Variants in ODF2 observed in about 807,000 individuals in gnomAD.
ODF2 encodes outer dense fiber of sperm tails 2.
Under a neutral mutation model 110.2 loss-of-function variants are expected in ODF2, and 47 were observed. The ratio of observed to expected loss-of-function variants is 0.43; its 90% CI spans 0.34 to 0.54. ODF2 has a LOEUF of 0.54. ODF2 is among the 20% of genes least tolerant of loss of function. ODF2 has a pLI of 0.03. For synonymous variants in ODF2, 352 were observed against 397.7 expected (o/e 0.89, Z 1.37); for missense variants, 812 against 1,054.5 (o/e 0.77, Z 3.19).
chr9:128,490,148 A>G (rs1844243664), intron 14 of ODF2, among the ~76,000 whole-genome samples: 1 of 152,216 alleles, frequency 6.6e-6, no homozygotes, highest in African/African-American at 2.4e-5. Flanking sequence ...GGGCAACCCC[A>G]GCAAGACCCC....
chr9:128,478,589 C>T (rs1372280311), intron 8 of ODF2, among the ~76,000 whole-genome samples: 1 of 151,256 alleles, frequency 6.6e-6, no homozygotes, highest in Non-Finnish European at 1.5e-5. Context: ...CAGAGTGAGA[C>T]TCCATCTCAA....
chr9:128,471,505 C>T (rs1394478169), intron 6 of ODF2, 37 bp downstream of exon 6: 4 of 1,599,270 alleles, frequency 2.5e-6, no homozygotes, highest in Admixed American at 1.8e-5. Flanking sequence ...CTGATCTATT[C>T]CTCCCTACCA....
chr9:128,460,187 G>A, intron 3 of ODF2: 1 of 1,303,062 alleles, frequency 7.7e-7, no homozygotes, highest in South Asian at 1.2e-5. Flanking sequence ...GGATCCGCCT[G>A]CTTTCCGCTG....
chr9:128,472,797 C>G, intron 6 of ODF2, 116 bp from the exon 7 acceptor site: 3 of 1,502,738 alleles, frequency 2.0e-6, no homozygotes, highest in Non-Finnish European at 2.7e-6. Context: ...TCCCTGCCCC[C>G]TCCCCTACTT....
At chr9:128,482,164 T>G (rs373760887) in intron 9 of ODF2, among the ~76,000 whole-genome samples, 18 of 152,222 alleles carry the variant, frequency 1.2e-4, no homozygotes, top group African/African-American at 3.9e-4. Flanking sequence ...AACAGCTTCT[T>G]TCAAGACTTT....
intron 13 of ODF2, 67 bp from the exon 14 acceptor site, chr9:128,487,823 A>G: frequency 1.3e-6 from 2 of 1,568,170 alleles, no homozygotes; most frequent in Non-Finnish European, 8.7e-7. Context: ...ACACACACAC[A>G]CACACACACA....
In ODF2 at chr9:128,494,716, C is replaced by T. The variant is rs750194229; in HGVS notation, c.1911+48C>T. On this transcript the variant is annotated intron_variant, in intron 17 of 20. Transcript: ENST00000604420. The surrounding 1 kb of genome is among the most constrained non-coding windows in gnomAD (Gnocchi z 4.6). ...CCCACGAACTGACCCGAGCAGGGGC[C>T]CGCATACCAAGATGAGCTGCACGCC... 7.4e-6 allele frequency: 12 copies of T among 1,614,086 alleles called. No homozygotes were observed. Among genetic ancestry groups the T allele is most frequent in the Non-Finnish European group, 8.5e-6 (10 of 1,180,036 alleles).
At position 128,498,526 on chromosome 9, in the gene ODF2, G is replaced by C. The variant is rs558966975; in HGVS notation, c.2126G>C (p.Gly709Ala). The change falls in exon 19 of 21, where the codon GGG becomes GCG. Residue 709 changes from glycine to alanine, a missense_variant. Gly to Ala is a moderately conservative substitution (Grantham distance 60). Transcript: ENST00000604420. ...CTGGAGGAGAAAACACGGGAATGTG[G>C]GACCCTGGCAAGGCAGTTGGAGAGT... is the stretch of plus-strand genomic sequence containing the variant. 8 of 1,611,454 alleles carry C rather than the reference G, an allele frequency of 5.0e-6. No individual in the cohort carries two copies. In the East Asian group the frequency reaches 1.8e-4, roughly 36 times the overall value.
At chr9:128,476,854 G>T (rs1841386231) in intron 8 of ODF2, among the ~76,000 whole-genome samples, 1 of 151,396 alleles carries the variant, frequency 6.6e-6, no homozygotes. Flanking sequence ...GCTCAGGCTG[G>T]TCTCGAACTC....
intron 4 of ODF2, 119 bp downstream of exon 4, chr9:128,461,186 C>A: frequency 7.8e-7 from 1 of 1,286,534 alleles, no homozygotes; most frequent in Non-Finnish European, 1.1e-6. Flanking sequence ...ACCCCATTTA[C>A]TGAGGGCCTT....
At chr9:128,497,466 T>C (rs1346317066) in intron 18 of ODF2, 1 of 100,908 alleles carries the variant, frequency 9.9e-6, no homozygotes, top group African/African-American at 3.9e-5. Flanking sequence ...TATATATATA[T>C]ATATATATAT....
chr9:128,457,943 A>ATATTTTT (rs1554817270), intron 2 of ODF2, among the ~76,000 whole-genome samples: 4 of 140,414 alleles, frequency 2.8e-5, no homozygotes, highest in Admixed American at 7.0e-5. Flanking sequence ...ATATATATAT[A>ATATTTTT]TTTTTTTTTT....
chr9:128,500,301 C>G, exon 21 of ODF2: 2 of 1,593,164 alleles, frequency 1.3e-6, no homozygotes, highest in East Asian at 2.2e-5. Context: ...CATAGGAACT[C>G]CAGAGTTGCC....
chr9:128,497,102 G>A (rs28565069), intron 18 of ODF2, among the ~76,000 whole-genome samples: 41 of 151,960 alleles, frequency 2.7e-4, no homozygotes, highest in African/African-American at 8.9e-4. Flanking sequence ...CATGTTACCT[G>A]GCATAGAGAA....
intron 14 of ODF2, among the ~76,000 whole-genome samples, chr9:128,489,124 G>T (rs1251164145): frequency 6.6e-6 from 1 of 152,166 alleles, no homozygotes; most frequent in Non-Finnish European, 1.5e-5. Flanking sequence ...AGTCTGACTC[G>T]AGCCCTAGCT....
chr9:128,498,686 A>T, intron 19 of ODF2, 111 bp downstream of exon 19: 1 of 669,422 alleles, frequency 1.5e-6, no homozygotes, highest in Non-Finnish European at 2.6e-6. Flanking sequence ...CCGCTTCATG[A>T]ATTAGTTGTA....
intron 14 of ODF2, among the ~76,000 whole-genome samples, chr9:128,491,875 T>TG (rs1191328941): frequency 6.7e-6 from 1 of 150,368 alleles, no homozygotes; most frequent in Non-Finnish European, 1.5e-5. Context: ...TCTTTTTTTT[T>TG]TTTTTTTTTG....
chr9:128,481,460 G>T, intron 8 of ODF2, 120 bp from the exon 9 acceptor site: 3 of 679,872 alleles, frequency 4.4e-6, no homozygotes, highest in African/African-American at 1.9e-5. Flanking sequence ...CTGGGCAACA[G>T]AGTAAGACTC....
intron 8 of ODF2, among the ~76,000 whole-genome samples, chr9:128,475,313 A>G (rs756248743): frequency 2.0e-5 from 3 of 147,944 alleles, no homozygotes; most frequent in Non-Finnish European, 4.5e-5. Flanking sequence ...CCAGTCCTCC[A>G]TGAATACCAA....
Sources: gnomAD v4.1 joint callset for allele counts (sites outside exome capture counted in the v4.1 genomes callset) on GRCh38, gnomAD v4.1.1 for gene constraint, Gnocchi (gnomAD v3.1) non-coding constraint, MANE v1.5 for transcripts, NCBI Gene and HGNC (gene_info 2026-07-23, HGNC 2026-07-21) for gene names.